The following NRXN3 variants were observed in gnomAD, a reference collection of about 807,000 sequenced individuals.
The protein encoded by NRXN3 is neurexin III.
Under a neutral mutation model 137.6 loss-of-function variants are expected in NRXN3, and 32 were observed. That is an observed-to-expected ratio of 0.23 (90% confidence interval 0.18 to 0.31). The LOEUF (loss-of-function observed/expected upper bound fraction) is 0.31. Ranked by LOEUF, NRXN3 falls within the 10% of genes least tolerant of loss-of-function variation. The pLI is 1.00. For synonymous variants in NRXN3, 798 were observed against 784.5 expected (o/e 1.02, Z -0.29); for missense variants, 1,574 against 2,062.5 (o/e 0.76, Z 4.59).
intron 4 of NRXN3, among the ~76,000 whole-genome samples, chr14:78,464,483 C>G (rs2153722410): frequency 6.6e-6 from 1 of 152,274 alleles, no homozygotes; most frequent in East Asian, 1.9e-4. Context: ...GAAGTCATTA[C>G]TGTATACCCA....
At chr14:79,572,176 A>G (rs1463524833) in intron 16 of NRXN3, among the ~76,000 whole-genome samples, 2 of 152,140 alleles carry the variant, frequency 1.3e-5, no homozygotes, top group African/African-American at 4.8e-5. Context: ...CCCACACTAC[A>G]CACACAAACC....
At chr14:79,483,512 A>C (rs117340270) in intron 16 of NRXN3, among the ~76,000 whole-genome samples, 1 of 152,212 alleles carries the variant, frequency 6.6e-6, no homozygotes, top group Admixed American at 6.5e-5. Flanking sequence ...ATTAACAAAG[A>C]ATTCTCCTAT....
chr14:79,529,906 C>T (rs181305454), intron 16 of NRXN3, among the ~76,000 whole-genome samples: 4 of 152,306 alleles, frequency 2.6e-5, no homozygotes, highest in Non-Finnish European at 5.9e-5. Context: ...TGTTCATTCT[C>T]ATGGTTTGAA....
At chr14:78,216,293 A>C (rs542752568) in intron 1 of NRXN3, among the ~76,000 whole-genome samples, 1 of 152,102 alleles carries the variant, frequency 6.6e-6, no homozygotes, top group East Asian at 1.9e-4. Context: ...TGCCGATGAC[A>C]GTTTGCATTT....
chr14:78,912,005 G>T lies in NRXN3; in HGVS notation c.2276-45237G>T, dbSNP rs7161045. 7.7e-3 allele frequency among the ~76,000 whole-genome samples: 1,172 copies of T among 151,448 alleles called. 15 individuals carry two copies. Among genetic ancestry groups the T allele is most frequent in the African/African-American group, 0.024 (1,004 of 41,200 alleles). On this transcript the variant is annotated intron_variant, in intron 10 of 20. Coordinates refer to ENST00000335750, the MANE Select transcript of NRXN3 (RefSeq NM_001330195.2). ...TACATATGTATACATGTGCCATGTT[G>T]GTGTGCTGCACCCATTAACTCGTCA...
At chr14:78,277,735 G>T (rs1344616700) in intron 2 of NRXN3, among the ~76,000 whole-genome samples, 1 of 152,102 alleles carries the variant, frequency 6.6e-6, no homozygotes, top group African/African-American at 2.4e-5. Flanking sequence ...GGCTGCTCTG[G>T]GTTATGCTTC....
At position 79,228,502 on chromosome 14, in the gene NRXN3, T is replaced by G. The variant is rs143022967; in HGVS notation, c.3263-238719T>G. Among the ~76,000 whole-genome samples, 37 of 152,296 alleles carry G rather than the reference T, an allele frequency of 2.4e-4. 1 individual carries two copies. In the East Asian group the frequency reaches 6.6e-3, roughly 27 times the overall value. ...CTAAGACAAAAGTTTAATGCCAAAC[T>G]GCTTCACCAGAAATAGCTTCCTACC... is the stretch of plus-strand genomic sequence containing the variant. On this transcript the variant is annotated intron_variant, in intron 15 of 20. Transcript: ENST00000335750.
chr14:79,568,275 C>T (rs1241900742), intron 16 of NRXN3, among the ~76,000 whole-genome samples: 1 of 152,128 alleles, frequency 6.6e-6, no homozygotes, highest in East Asian at 1.9e-4. Context: ...ATAAACTACC[C>T]TCCATATCTC....
At chr14:79,012,478 A>T (rs375038115) in intron 15 of NRXN3, among the ~76,000 whole-genome samples, 1 of 152,210 alleles carries the variant, frequency 6.6e-6, no homozygotes, top group Non-Finnish European at 1.5e-5. Context: ...ATAATAATGC[A>T]TATGTGGAAA....
At chr14:78,867,688 A>G (rs1028646655) in intron 10 of NRXN3, among the ~76,000 whole-genome samples, 1 of 152,176 alleles carries the variant, frequency 6.6e-6, no homozygotes, top group African/African-American at 2.4e-5. Context: ...CTCTGAAAAC[A>G]TAGGGACACT....
intron 15 of NRXN3, among the ~76,000 whole-genome samples, chr14:79,449,169 A>G (rs2096121727): frequency 6.6e-6 from 1 of 152,192 alleles, no homozygotes; most frequent in South Asian, 2.1e-4. Flanking sequence ...TGCATCATTC[A>G]TGAATGTCAT....
intron 20 of NRXN3, chr14:79,854,049 TTATTA>T: frequency 1.0e-6 from 1 of 984,774 alleles, no homozygotes; most frequent in Non-Finnish European, 1.2e-6. Context: ...CTGTTGTAAA[TTATTA>T]TATTTGAAAA....
intron 9 of NRXN3, among the ~76,000 whole-genome samples, chr14:78,807,387 T>C (rs924329460): frequency 5.9e-5 from 9 of 152,060 alleles, no homozygotes; most frequent in Non-Finnish European, 1.0e-4. Context: ...GACACACAGC[T>C]CTTAGAAACA....
At chr14:78,197,027 TA>T (rs539955173) in intron 1 of NRXN3, among the ~76,000 whole-genome samples, 78 of 152,348 alleles carry the variant, frequency 5.1e-4, no homozygotes, top group Non-Finnish European at 2.6e-4. Flanking sequence ...GTCATTTGGG[TA>T]CCATTCCTGC....
chr14:78,841,511 T>C (rs1405555565), intron 10 of NRXN3, among the ~76,000 whole-genome samples: 2 of 152,108 alleles, frequency 1.3e-5, no homozygotes, highest in East Asian at 3.9e-4. Context: ...GGTGAAGGAT[T>C]CTTTAAGAAA....
chr14:78,577,934 C>A (rs2096953269), intron 4 of NRXN3, among the ~76,000 whole-genome samples: 1 of 152,036 alleles, frequency 6.6e-6, no homozygotes, highest in African/African-American at 2.4e-5. Context: ...TGTATCCAAG[C>A]TGTATTGGCA....
At chr14:79,607,668 C>G (rs2098038813) in intron 16 of NRXN3, among the ~76,000 whole-genome samples, 2 of 139,748 alleles carry the variant, frequency 1.4e-5, no homozygotes. Flanking sequence ...AAATGTTAAT[C>G]TACAATTTTT....
chr14:79,256,738 AT>A (rs2076634108), intron 15 of NRXN3, among the ~76,000 whole-genome samples: 1 of 152,216 alleles, frequency 6.6e-6, no homozygotes, highest in African/African-American at 2.4e-5. Flanking sequence ...TCACAATTGA[AT>A]TTAAAAATCC....
At chr14:79,585,394 T>G (rs746873431) in intron 16 of NRXN3, among the ~76,000 whole-genome samples, 7 of 152,076 alleles carry the variant, frequency 4.6e-5, no homozygotes, top group Non-Finnish European at 1.0e-4. Flanking sequence ...CTCTGAAAAC[T>G]TTGATAAAGA....
Sources: gnomAD v4.1 joint callset for allele counts (sites outside exome capture counted in the v4.1 genomes callset) on GRCh38, gnomAD v4.1.1 for gene constraint, MANE v1.5 for transcripts, NCBI Gene and HGNC (gene_info 2026-07-23, HGNC 2026-07-21) for gene names.